Variants in ROBO1 observed in about 807,000 individuals in gnomAD.
The protein encoded by ROBO1 is roundabout guidance receptor 1, also known as roundabout homolog 1.
A neutral mutation model predicts 195.9 loss-of-function variants in ROBO1; 149 were observed. The observed-to-expected ratio is 0.76, with a 90% CI of 0.67 to 0.87. ROBO1 has a LOEUF of 0.87. Ranked by LOEUF, ROBO1 falls within the 40% of genes least tolerant of loss-of-function variation. The pLI, the probability that ROBO1 is intolerant of heterozygous loss-of-function variation, is 0.00. For missense variants in ROBO1, 1,933 were observed against 2,068.3 expected, an observed-to-expected ratio of 0.93 and a Z score of 1.27; for synonymous variants, 816 against 733.2, an observed-to-expected ratio of 1.11 and a Z score of -1.82.
intron 2 of ROBO1, among the ~76,000 whole-genome samples, chr3:79,202,991 G>A (rs2081796716): frequency 6.6e-6 from 1 of 151,916 alleles, no homozygotes; most frequent in Non-Finnish European, 1.5e-5. Context: ...ATTCTCATTT[G>A]CATTCTCAAT....
chr3:79,452,290 G>A (rs1454230750), intron 2 of ROBO1, among the ~76,000 whole-genome samples: 1 of 151,852 alleles, frequency 6.6e-6, no homozygotes, highest in Non-Finnish European at 1.5e-5. Context: ...ACCACATGGG[G>A]CCCATCAACC....
At chr3:79,136,087 G>T (rs1419316181) in intron 2 of ROBO1, among the ~76,000 whole-genome samples, 2 of 152,032 alleles carry the variant, frequency 1.3e-5, no homozygotes, top group East Asian at 3.9e-4. Flanking sequence ...AGGTAATATT[G>T]GTTTTGTAGT....
At chr3:78,998,401 C>G (rs2077418520) in intron 3 of ROBO1, among the ~76,000 whole-genome samples, 1 of 152,078 alleles carries the variant, frequency 6.6e-6, no homozygotes, top group Admixed American at 6.6e-5. Flanking sequence ...GAGAAACTTG[C>G]CCTACACTTA....
At chr3:79,523,679 G>C (rs1338005674) in intron 2 of ROBO1, among the ~76,000 whole-genome samples, 2 of 151,732 alleles carry the variant, frequency 1.3e-5, no homozygotes, top group Non-Finnish European at 2.9e-5. Flanking sequence ...TCACCATGTT[G>C]GTCAGGCTGG....
chr3:78,727,768 T>C (rs1394166125), intron 5 of ROBO1, among the ~76,000 whole-genome samples: 3 of 152,226 alleles, frequency 2.0e-5, no homozygotes, highest in Non-Finnish European at 4.4e-5. Context: ...ATGTAAATTG[T>C]TCATAAATCG....
intron 1 of ROBO1, among the ~76,000 whole-genome samples, chr3:79,638,459 C>T (rs927684149): frequency 3.3e-5 from 5 of 152,102 alleles, no homozygotes; most frequent in Non-Finnish European, 7.4e-5. Flanking sequence ...GGCACGATCT[C>T]GGCTCACTGC....
At chr3:79,230,171 C>T (rs543351565) in intron 2 of ROBO1, among the ~76,000 whole-genome samples, 3 of 152,244 alleles carry the variant, frequency 2.0e-5, no homozygotes, top group Admixed American at 2.0e-4. Flanking sequence ...TTTGGCCTAT[C>T]CAAATTCATC....
At chr3:79,695,696 T>A (rs952372092) in intron 1 of ROBO1, among the ~76,000 whole-genome samples, 1 of 151,458 alleles carries the variant, frequency 6.6e-6, no homozygotes, top group Non-Finnish European at 1.5e-5. Flanking sequence ...CAAAGAATTA[T>A]GTTGAAATGC....
intron 3 of ROBO1, among the ~76,000 whole-genome samples, chr3:79,011,280 C>A (rs1263119843): frequency 6.6e-6 from 1 of 152,100 alleles, no homozygotes; most frequent in Non-Finnish European, 1.5e-5. Context: ...AACTAAAAAG[C>A]GGACATGTTC....
chr3:79,744,063 C>T (rs1703766664), intron 1 of ROBO1, among the ~76,000 whole-genome samples: 1 of 152,124 alleles, frequency 6.6e-6, no homozygotes, highest in African/African-American at 2.4e-5. Context: ...GTATTCTGTA[C>T]CATACATATT....
intron 4 of ROBO1, among the ~76,000 whole-genome samples, chr3:78,915,077 C>G (rs1398195550): frequency 4.6e-5 from 7 of 152,036 alleles, no homozygotes; most frequent in Admixed American, 4.6e-4. Flanking sequence ...TACCAGGGCA[C>G]TCTTATTCCG....
Position 79,033,741 on chromosome 3 carries a change from T to C in ROBO1, c.172+91715A>G, listed in dbSNP as rs1198849288. Among the ~76,000 whole-genome samples, 6 of 152,208 alleles carry C rather than the reference T, an allele frequency of 3.9e-5. No individual in the cohort carries two copies. The South Asian group carries it at 8.3e-4, about 21-fold the overall frequency. The stretch of plus-strand genomic sequence containing the variant: ...GTCATTGTTTTTTCAAAATCTTGAC[T>C]GGTATTCTGAATTTGTGATTTATTT... On this transcript the variant is annotated intron_variant, in intron 3 of 30. Transcript: ENST00000464233.
intron 2 of ROBO1, among the ~76,000 whole-genome samples, chr3:79,306,330 AG>A (rs2033216217): frequency 6.6e-6 from 1 of 152,248 alleles, no homozygotes; most frequent in African/African-American, 2.4e-5. Flanking sequence ...TCAGGGGGTT[AG>A]ATTTCAATCT....
chr3:78,827,688 C>T (rs1025930570), intron 4 of ROBO1, among the ~76,000 whole-genome samples: 17 of 152,084 alleles, frequency 1.1e-4, no homozygotes, highest in Admixed American at 1.0e-3. Flanking sequence ...CAGGATAGGC[C>T]AGTGGGCTGG....
At chr3:78,635,744 C>T (rs760811314) in intron 23 of ROBO1, 29 bp downstream of exon 23, 3 of 1,589,128 alleles carry the variant, frequency 1.9e-6, no homozygotes, top group Admixed American at 1.7e-5. Flanking sequence ...CATACAGAAA[C>T]AGATGGGAAT....
chr3:78,656,326 ATTGAAGTTTGCTTATTTGATTTTT>A (rs1707009961), intron 18 of ROBO1, among the ~76,000 whole-genome samples: 1 of 150,924 alleles, frequency 6.6e-6, no homozygotes, highest in African/African-American at 2.4e-5. Context: ...TAAGTTTTAA[ATTGAAGTTTGCTTATTTGATTTTT>A]TTTTTTTTTT....
intron 22 of ROBO1, 114 bp from the exon 23 acceptor site, chr3:78,636,222 G>T: frequency 1.5e-6 from 1 of 674,094 alleles, no homozygotes; most frequent in Non-Finnish European, 2.4e-6. Flanking sequence ...AGTACAAGTG[G>T]GCTTAAATAA....
intron 2 of ROBO1, among the ~76,000 whole-genome samples, chr3:79,175,964 C>T (rs1320577279): frequency 4.6e-5 from 7 of 152,178 alleles, no homozygotes; most frequent in African/African-American, 1.4e-4. Context: ...TTCTGGTTAT[C>T]TTCTACTTTC....
At chr3:79,648,473 T>G (rs1049242832) in intron 1 of ROBO1, among the ~76,000 whole-genome samples, 2 of 152,072 alleles carry the variant, frequency 1.3e-5, no homozygotes, top group African/African-American at 2.4e-5. Flanking sequence ...AGCGTGAGTT[T>G]GTAGACATTA....
Sources: allele counts gnomAD v4.1 joint callset (sites outside exome capture counted in the v4.1 genomes callset), GRCh38; gene constraint gnomAD v4.1.1; transcripts MANE v1.5; gene names NCBI Gene and HGNC (gene_info 2026-07-23, HGNC 2026-07-21).